The following ARHGAP20 variants were observed in gnomAD, a reference collection of about 807,000 sequenced individuals.
The protein encoded by ARHGAP20 is rho GTPase-activating protein 20.
ARHGAP20 carries 34 observed loss-of-function variants against 73.7 expected under a neutral mutation model. That is an observed-to-expected ratio of 0.46 (90% CI 0.35 to 0.61). The LOEUF (loss-of-function observed/expected upper bound fraction) is 0.61. Ranked by LOEUF, ARHGAP20 falls within the 20% of genes least tolerant of loss-of-function variation. The probability of loss-of-function intolerance (pLI) is 0.00; values close to 1 mark genes in which losing one functional copy is unlikely to be tolerated. For missense variants in ARHGAP20, 1,314 were observed against 1,420.9 expected (o/e 0.92, Z 1.21); for synonymous variants, 523 against 518.2 (o/e 1.01, Z -0.13).
In ARHGAP20 at chr11:110,664,503, C is replaced by T. The variant is rs373107165; in HGVS notation, c.188+26044G>A. ...CAGCACTTTGGGAGGCTAAGGCAGG[C>T]GGATCATGAGGTCAGGAGATGGAGA... On this transcript the variant is annotated intron_variant, in intron 2 of 14. Coordinates refer to ENST00000683387, the MANE Select transcript of ARHGAP20 (RefSeq NM_001384657.1). Among the ~76,000 whole-genome samples, 29 of 152,038 alleles carry T rather than the reference C, an allele frequency of 1.9e-4. 1 individual carries two copies. The highest frequency in any genetic ancestry group is 4.3e-4 in the African/African-American group (18 of 41,512).
At chr11:110,582,586 A>AAAAACTATGATACTTTT (rs1353683683) in intron 13 of ARHGAP20, 151 bp from the exon 14 acceptor site, 1 of 585,622 alleles carries the variant, frequency 1.7e-6, no homozygotes, top group African/African-American at 1.9e-5. Flanking sequence ...AGTTTCCCTA[A>AAAAACTATGATACTTTT]AAAACTATGA....
intron 2 of ARHGAP20, among the ~76,000 whole-genome samples, chr11:110,669,236 C>T (rs956152691): frequency 6.6e-6 from 1 of 152,122 alleles, no homozygotes; most frequent in Non-Finnish European, 1.5e-5. Flanking sequence ...ATATATAGAA[C>T]TGTGCTGCCA....
At chr11:110,627,141 T>A (rs1305025981) in intron 3 of ARHGAP20, among the ~76,000 whole-genome samples, 1 of 152,058 alleles carries the variant, frequency 6.6e-6, no homozygotes, top group Non-Finnish European at 1.5e-5. Flanking sequence ...CAGGCTGGAG[T>A]GCATTGGCAT....
chr11:110,688,914 CGTGA>C (rs1247780175), intron 2 of ARHGAP20, among the ~76,000 whole-genome samples: 3 of 151,800 alleles, frequency 2.0e-5, no homozygotes, highest in Non-Finnish European at 4.4e-5. Context: ...AAGAAAGTGA[CGTGA>C]GTGTTTTTGT....
At chr11:110,672,860 G>C (rs1416550191) in intron 2 of ARHGAP20, among the ~76,000 whole-genome samples, 1 of 152,150 alleles carries the variant, frequency 6.6e-6, no homozygotes, top group Non-Finnish European at 1.5e-5. Flanking sequence ...ACATGACCTA[G>C]TAATTCAACT....
chr11:110,679,220 G>C (rs1949991128), intron 2 of ARHGAP20, among the ~76,000 whole-genome samples: 1 of 152,176 alleles, frequency 6.6e-6, no homozygotes, highest in African/African-American at 2.4e-5. Flanking sequence ...CAAGTGGTCA[G>C]AGAAAGAAAG....
chr11:110,583,578 G>A lies in ARHGAP20; in HGVS notation c.1575C>T (p.Ser525=). Residue 525 remains serine (S), a synonymous_variant, in exon 13 of 15, where the codon AGC becomes AGT. Transcript: ENST00000683387. ...PSILWPPASS[S]PELENEFTKK... Reference sequence around the variant, plus strand: ...TTGTAAATTCGTTTTCTAGTTCTGGGCTGGAGGAAGCAGGAGGCCAAAGAA... The same window carrying A: ...TTGTAAATTCGTTTTCTAGTTCTGGACTGGAGGAAGCAGGAGGCCAAAGAA... 1 of 1,610,474 alleles carries A rather than the reference G, an allele frequency of 6.2e-7. No homozygotes were observed. The highest frequency in any genetic ancestry group is 8.5e-7 in the Non-Finnish European group (1 of 1,177,752).
chr11:110,617,163 C>T (rs1366696610), intron 4 of ARHGAP20, among the ~76,000 whole-genome samples: 1 of 151,942 alleles, frequency 6.6e-6, no homozygotes, highest in African/African-American at 2.4e-5. Context: ...AAAGTATATA[C>T]TATTTTGTGT....
At chr11:110,616,961 A>G (rs908825883) in intron 4 of ARHGAP20, among the ~76,000 whole-genome samples, 1 of 152,146 alleles carries the variant, frequency 6.6e-6, no homozygotes, top group African/African-American at 2.4e-5. Flanking sequence ...AACTGCACAA[A>G]GCTTACATGT....
intron 4 of ARHGAP20, among the ~76,000 whole-genome samples, chr11:110,622,866 C>T (rs936888865): frequency 6.6e-6 from 1 of 152,130 alleles, no homozygotes; most frequent in African/African-American, 2.4e-5. Flanking sequence ...TAACCTTGAT[C>T]ATTTGGTTAA....
intron 2 of ARHGAP20, among the ~76,000 whole-genome samples, chr11:110,688,354 C>G (rs1203826290): frequency 6.6e-6 from 1 of 151,644 alleles, no homozygotes; most frequent in Non-Finnish European, 1.5e-5. Flanking sequence ...CAGATTCTCA[C>G]CCTGGAGTAG....
intron 2 of ARHGAP20, among the ~76,000 whole-genome samples, chr11:110,651,747 C>CA (rs71476092): frequency 0.042 from 5,686 of 136,168 alleles, 226 homozygotes; most frequent in African/African-American, 0.11. Context: ...GCCTACCAAC[C>CA]AAAAAAAAAA....
chr11:110,712,010 G>C (rs1950671816), intron 1 of ARHGAP20, 117 bp downstream of exon 1: 16 of 1,240,164 alleles, frequency 1.3e-5, no homozygotes, highest in African/African-American at 1.6e-5. Flanking sequence ...CGCGAGCCTC[G>C]AGCGTCAAAT....
intron 1 of ARHGAP20, among the ~76,000 whole-genome samples, chr11:110,693,082 C>T (rs550742156): frequency 1.3e-5 from 2 of 151,954 alleles, no homozygotes; most frequent in South Asian, 4.1e-4. Context: ...TGAAAAGGTG[C>T]TTTTGAAATG....
At position 110,711,524 on chromosome 11, in the gene ARHGAP20, C is replaced by T. The variant is rs921138482; in HGVS notation, c.105+603G>A. The T allele has an allele frequency of 1.7e-5, 21 of 1,211,318 alleles. No homozygotes were observed. The African/African-American group carries it at 3.2e-4, about 19-fold the overall frequency. The allele number at this position is 1,211,318 out of a possible 1,614,324, so 75.0% of individuals were successfully genotyped here. A position where few individuals can be genotyped will look rare whatever the true frequency, so the allele number is the denominator to read the frequency against. Reference sequence around the variant, plus strand: ...AACTGTGACCCCCACCTGGGAGACCCGGAATCATCCAGGACCCTGGTGTGG... The same window carrying T: ...AACTGTGACCCCCACCTGGGAGACCTGGAATCATCCAGGACCCTGGTGTGG... On this transcript the variant is annotated intron_variant, in intron 1 of 14. Transcript: ENST00000683387.
chr11:110,702,728 T>C (rs1273138946), intron 1 of ARHGAP20, among the ~76,000 whole-genome samples: 1 of 152,190 alleles, frequency 6.6e-6, no homozygotes, highest in Non-Finnish European at 1.5e-5. Context: ...CAAGCATTCC[T>C]ATATACCAAT....
rs181789708 is a variant in ARHGAP20, at chr11:110,649,844, T to A, written c.189-19052A>T. Among the ~76,000 whole-genome samples the A allele has an allele frequency of 2.2e-3, 332 of 152,238 alleles. 1 individual carries two copies. Among genetic ancestry groups the A allele is most frequent in the Admixed American group, 5.2e-3 (80 of 15,268 alleles). On this transcript the variant is annotated intron_variant, in intron 2 of 14. Coordinates refer to ENST00000683387, the MANE Select transcript of ARHGAP20 (RefSeq NM_001384657.1). Reference sequence around the variant, plus strand: ...GCAGTTTTGACAGTACTTTTTAAAATCTAGTTTTACTAGATCTCTATTTTT... The same window carrying A: ...GCAGTTTTGACAGTACTTTTTAAAAACTAGTTTTACTAGATCTCTATTTTT...
At chr11:110,581,339 AAGAG>A (rs1355656392) in intron 14 of ARHGAP20, 114 bp from the exon 15 acceptor site, 43 of 1,144,446 alleles carry the variant, frequency 3.8e-5, no homozygotes, top group Middle Eastern at 2.9e-4. Flanking sequence ...ACTCTCAAGA[AAGAG>A]AGAATCTTTC....
intron 2 of ARHGAP20, among the ~76,000 whole-genome samples, chr11:110,668,868 A>G (rs1949774610): frequency 6.6e-6 from 1 of 152,208 alleles, no homozygotes; most frequent in African/African-American, 2.4e-5. Flanking sequence ...GGCAATTAAA[A>G]GGGAAAGGAT....
Sources: gnomAD v4.1 joint callset for allele counts (sites outside exome capture counted in the v4.1 genomes callset) on GRCh38, gnomAD v4.1.1 for gene constraint, MANE v1.5 for transcripts, NCBI Gene and HGNC (gene_info 2026-07-23, HGNC 2026-07-21) for gene names.